Variants in HEXA observed in about 807,000 individuals in gnomAD.
The protein encoded by HEXA is beta-hexosaminidase subunit alpha.
A neutral mutation model predicts 73.3 loss-of-function variants in HEXA; 54 were observed. The ratio of observed to expected loss-of-function variants is 0.74; its 90% CI spans 0.59 to 0.92. HEXA has a LOEUF of 0.92. HEXA is among the 40% of genes least tolerant of loss of function. The probability of loss-of-function intolerance (pLI) is 0.00; values close to 1 mark genes in which losing one functional copy is unlikely to be tolerated. For synonymous variants in HEXA, 230 were observed against 246.9 expected (o/e 0.93, Z 0.64); for missense variants, 649 against 653.0 (o/e 0.99, Z 0.07).
chr15:72,353,869 C>G, intron 3 of HEXA, 132 bp from the exon 4 acceptor site: 1 of 732,902 alleles, frequency 1.4e-6, no homozygotes, highest in East Asian at 2.5e-5. Context: ...GTAGGCTTGA[C>G]GATTTTTAAC....
intron 7 of HEXA, among the ~76,000 whole-genome samples, chr15:72,349,856 T>G (rs2088672441): frequency 6.6e-6 from 1 of 152,024 alleles, no homozygotes; most frequent in African/African-American, 2.4e-5. Flanking sequence ...CTCTGCCTCC[T>G]GGGTTCAAGC....
At chr15:72,367,963 T>C (rs1038342813) in intron 1 of HEXA, among the ~76,000 whole-genome samples, 6 of 131,556 alleles carry the variant, frequency 4.6e-5, no homozygotes, top group Admixed American at 8.6e-5. Flanking sequence ...ACCTTGTGCT[T>C]CAGTTATCAT....
intron 13 of HEXA, 190 bp downstream of exon 13, chr15:72,345,256 T>G (rs996081388): frequency 1.8e-6 from 2 of 1,087,034 alleles, no homozygotes; most frequent in African/African-American, 3.2e-5. Flanking sequence ...TTTTTATTTG[T>G]ACCATTTTTT....
In HEXA at chr15:72,352,003, C is replaced by A. The variant is rs373316617; in HGVS notation, c.571-769G>T. Reference sequence around the variant, plus strand: ...TGAGACAGGGTCTCTGTTGTCCAGGCTGGAGTGCAGTGGTGCAATCACAGT... The same window carrying A: ...TGAGACAGGGTCTCTGTTGTCCAGGATGGAGTGCAGTGGTGCAATCACAGT... On this transcript the variant is annotated intron_variant, in intron 5 of 13. Transcript: ENST00000268097. Among the ~76,000 whole-genome samples the A allele has an allele frequency of 3.9e-5, 6 of 152,084 alleles. No homozygotes were observed. In the East Asian group the frequency reaches 7.8e-4, roughly 20 times the overall value.
intron 13 of HEXA, 22 bp downstream of exon 13, chr15:72,345,424 G>A (rs376373924): frequency 1.1e-5 from 18 of 1,613,878 alleles, no homozygotes; most frequent in Non-Finnish European, 1.4e-5. Context: ...TCCGCCTTGC[G>A]AAGGCCCCAC....
chr15:72,353,840 C>A, intron 3 of HEXA, 103 bp from the exon 4 acceptor site: 1 of 863,444 alleles, frequency 1.2e-6, no homozygotes, highest in Admixed American at 1.8e-5. Context: ...TTTGGGTACA[C>A]AGGGAAAATG....
intron 1 of HEXA, among the ~76,000 whole-genome samples, chr15:72,361,633 C>T (rs1595807186): frequency 6.6e-6 from 1 of 152,190 alleles, no homozygotes; most frequent in African/African-American, 2.4e-5. Context: ...CATCTATTCA[C>T]CTATACCAGA....
At chr15:72,345,223 T>C (rs886559976) in intron 13 of HEXA, 25 of 726,818 alleles carry the variant, frequency 3.4e-5, no homozygotes, top group Admixed American at 5.8e-5. Flanking sequence ...ATAAATGCTA[T>C]GTAAATAGTT....
At chr15:72,365,112 C>T (rs568967102) in intron 1 of HEXA, among the ~76,000 whole-genome samples, 6 of 152,082 alleles carry the variant, frequency 3.9e-5, no homozygotes, top group Non-Finnish European at 4.4e-5. Context: ...TTTTTTGAGA[C>T]GGAGTCTCGC....
intron 1 of HEXA, chr15:72,357,091 C>A: frequency 3.8e-6 from 1 of 262,508 alleles, no homozygotes; most frequent in Non-Finnish European, 7.6e-6. Flanking sequence ...CTGTCTAGTT[C>A]TAACATTTTT....
chr15:72,360,040 T>G (rs947653650), intron 1 of HEXA: 7 of 152,672 alleles, frequency 4.6e-5, no homozygotes, highest in African/African-American at 1.7e-4. Context: ...TCATTCTTGC[T>G]TCCTTCCCTG....
chr15:72,366,776 G>T (rs576826436), intron 1 of HEXA, among the ~76,000 whole-genome samples: 1 of 152,012 alleles, frequency 6.6e-6, no homozygotes, highest in Admixed American at 6.5e-5. Flanking sequence ...CCCTCCTGTG[G>T]TTGCCTTTTG....
chr15:72,362,704 G>C (rs536658812), intron 1 of HEXA, among the ~76,000 whole-genome samples: 63 of 152,222 alleles, frequency 4.1e-4, no homozygotes, highest in African/African-American at 1.4e-3. Flanking sequence ...TAAGATTTAG[G>C]TCTTTCCACT....
intron 1 of HEXA, chr15:72,362,328 TCAAAACAC>T: frequency 2.5e-6 from 1 of 398,482 alleles, no homozygotes; most frequent in Admixed American, 2.9e-5. Flanking sequence ...CATACATTTT[TCAAAACAC>T]TTTTCTTAAG....
At chr15:72,365,340 C>A (rs1408378681) in intron 1 of HEXA, among the ~76,000 whole-genome samples, 1 of 152,204 alleles carries the variant, frequency 6.6e-6, no homozygotes, top group Non-Finnish European at 1.5e-5. Flanking sequence ...ACCTCATGAT[C>A]CACCCGCCTT....
At chr15:72,349,694 C>A (rs1390575117) in intron 7 of HEXA, among the ~76,000 whole-genome samples, 1 of 152,240 alleles carries the variant, frequency 6.6e-6, no homozygotes, top group Non-Finnish European at 1.5e-5. Flanking sequence ...TAAGGGATAT[C>A]TCCCTTGGCC....
chr15:72,350,331 T>G (rs1028833653), intron 7 of HEXA, 187 bp downstream of exon 7: 4 of 693,010 alleles, frequency 5.8e-6, no homozygotes, highest in Non-Finnish European at 1.0e-5. Flanking sequence ...CATATTTTAA[T>G]AGTAAGAAGC....
intron 5 of HEXA, among the ~76,000 whole-genome samples, chr15:72,352,749 T>C (rs1316580879): frequency 1.1e-4 from 16 of 151,868 alleles, no homozygotes; most frequent in Non-Finnish European, 1.5e-5. Flanking sequence ...CTGCAACCTC[T>C]GCCTCCTGGG....
intron 2 of HEXA, chr15:72,355,976 C>T (rs144678883): frequency 7.0e-4 from 330 of 473,748 alleles, no homozygotes; most frequent in African/African-American, 5.7e-3. Context: ...AACAGGGATG[C>T]CTGCAGGGGT....
Sources: gnomAD v4.1 joint callset for allele counts (sites outside exome capture counted in the v4.1 genomes callset) on GRCh38, gnomAD v4.1.1 for gene constraint, MANE v1.5 for transcripts, NCBI Gene and HGNC (gene_info 2026-07-23, HGNC 2026-07-21) for gene names.